The following SMAD1 variants were observed in gnomAD, a reference collection of about 807,000 sequenced individuals.
SMAD1 encodes the protein SMAD family member 1, also known as MAD, mothers against decapentaplegic homolog 1.
A neutral mutation model predicts 41.6 loss-of-function variants in SMAD1; 6 were observed. That is an observed-to-expected ratio of 0.14 (90% CI 0.08 to 0.28). SMAD1 has a LOEUF of 0.28. Ranked by LOEUF, SMAD1 falls within the 10% of genes least tolerant of loss-of-function variation. The probability of loss-of-function intolerance (pLI) is 1.00; values close to 1 mark genes in which losing one functional copy is unlikely to be tolerated. For synonymous variants in SMAD1, 206 were observed against 203.2 expected (o/e 1.01, Z -0.12); for missense variants, 379 against 582.6 (o/e 0.65, Z 3.60).
intron 2 of SMAD1, 52 bp from the exon 3 acceptor site, chr4:145,539,752 T>C (rs1053611159): frequency 6.4e-7 from 1 of 1,561,498 alleles, no homozygotes; most frequent in African/African-American, 1.4e-5. Context: ...GATGTAATTA[T>C]AGATCATAAT....
chr4:145,518,580 G>A (rs1730554673), intron 2 of SMAD1, among the ~76,000 whole-genome samples: 1 of 125,882 alleles, frequency 7.9e-6, no homozygotes, highest in African/African-American at 2.5e-5. Context: ...GTACACCTGG[G>A]TATTGTTTTT....
intron 1 of SMAD1, among the ~76,000 whole-genome samples, chr4:145,506,185 A>G (rs1339831596): frequency 6.6e-6 from 1 of 152,208 alleles, no homozygotes; most frequent in African/African-American, 2.4e-5. Flanking sequence ...AAAAAGAAAA[A>G]AAAAGTATCC....
chr4:145,528,006 G>C (rs147765706), intron 2 of SMAD1, among the ~76,000 whole-genome samples: 1 of 150,902 alleles, frequency 6.6e-6, no homozygotes, highest in Admixed American at 6.6e-5. Context: ...TCAGCCTCCC[G>C]AGTGTCTGGG....
At chr4:145,551,223 A>C (rs775319277) in intron 5 of SMAD1, among the ~76,000 whole-genome samples, 19 of 152,228 alleles carry the variant, frequency 1.2e-4, no homozygotes, top group Admixed American at 9.8e-4. Context: ...ATGTATGTTA[A>C]ATGAAGCATA....
chr4:145,547,214 T>C (rs1225421717), intron 5 of SMAD1, among the ~76,000 whole-genome samples: 2 of 152,244 alleles, frequency 1.3e-5, no homozygotes, highest in East Asian at 1.9e-4. Context: ...TTGGCTGTTA[T>C]AAAATGAATC....
chr4:145,530,204 T>C (rs1731248516), intron 2 of SMAD1, among the ~76,000 whole-genome samples: 1 of 152,176 alleles, frequency 6.6e-6, no homozygotes, highest in Admixed American at 6.5e-5. Context: ...AAAGTCTGTG[T>C]AGGGCACACT....
At chr4:145,552,785 A>G (rs1732621850) in intron 5 of SMAD1, among the ~76,000 whole-genome samples, 1 of 152,224 alleles carries the variant, frequency 6.6e-6, no homozygotes, top group Non-Finnish European at 1.5e-5. Flanking sequence ...GCTTTATAGT[A>G]AATACATAGC....
intron 1 of SMAD1, among the ~76,000 whole-genome samples, chr4:145,513,078 G>A (rs1001873447): frequency 2.0e-5 from 3 of 152,168 alleles, no homozygotes; most frequent in Non-Finnish European, 4.4e-5. Flanking sequence ...GTTCCTCAGC[G>A]CTATGAGGCT....
rs1267342227 is a variant in SMAD1, at chr4:145,514,495, T to A, written c.-119T>A. The A allele has an allele frequency of 1.0e-6, 1 of 1,000,258 alleles. No homozygotes were observed. The highest frequency in any genetic ancestry group is 1.4e-6 in the Non-Finnish European group (1 of 692,530). The allele number at this position is 1,000,258 out of a possible 1,614,324, so 62.0% of individuals were successfully genotyped here. A position where few individuals can be genotyped will look rare whatever the true frequency, so the allele number is the denominator to read the frequency against. On this transcript the variant is annotated 5_prime_UTR_variant, in exon 2 of 7. Coordinates refer to ENST00000302085, the MANE Select transcript of SMAD1 (RefSeq NM_005900.3). This position sits in a 1 kb window ranked among gnomAD's most constrained non-coding sequence, Gnocchi z 4.7. The stretch of plus-strand genomic sequence containing the variant: ...AATGGTAATTTCTACTCTTCTGGAC[T>A]TCAAACTAAGAAGTTAAAGAGACTT...
intron 2 of SMAD1, among the ~76,000 whole-genome samples, chr4:145,523,831 A>G (rs1388419564): frequency 1.3e-5 from 2 of 152,154 alleles, no homozygotes; most frequent in Non-Finnish European, 2.9e-5. Context: ...TGGCTTTTGC[A>G]GTTGCTCTTC....
At chr4:145,515,348 A>G (rs1730325447) in intron 2 of SMAD1, among the ~76,000 whole-genome samples, 1 of 152,096 alleles carries the variant, frequency 6.6e-6, no homozygotes, top group African/African-American at 2.4e-5. Flanking sequence ...TTTATGTCTC[A>G]CATGGTTCTC....
chr4:145,488,484 G>GTT (rs1276069982), intron 1 of SMAD1, among the ~76,000 whole-genome samples: 3 of 121,494 alleles, frequency 2.5e-5, no homozygotes, highest in Non-Finnish European at 3.0e-5. Context: ...TTTTGTGTGT[G>GTT]TGTGTGTGTG....
At chr4:145,485,690 G>GTCCC (rs1728447111) in intron 1 of SMAD1, among the ~76,000 whole-genome samples, 4 of 152,170 alleles carry the variant, frequency 2.6e-5, no homozygotes, top group African/African-American at 9.7e-5. Flanking sequence ...TGAAGCTGCT[G>GTCCC]GATAAAAGGA....
intron 1 of SMAD1, among the ~76,000 whole-genome samples, chr4:145,490,869 T>C (rs890143255): frequency 1.3e-5 from 2 of 152,262 alleles, no homozygotes; most frequent in Admixed American, 6.5e-5. Flanking sequence ...TATTGTATTC[T>C]GAATTTTTCT....
At chr4:145,547,542 GTAGA>G (rs1157268129) in intron 5 of SMAD1, among the ~76,000 whole-genome samples, 2 of 152,206 alleles carry the variant, frequency 1.3e-5, no homozygotes, top group Admixed American at 6.5e-5. Flanking sequence ...GCTGAGTGGA[GTAGA>G]TAGAGTAGGG....
intron 2 of SMAD1, among the ~76,000 whole-genome samples, chr4:145,530,064 A>T (rs1265559302): frequency 6.6e-6 from 1 of 152,168 alleles, no homozygotes. Context: ...TTCATTCTGG[A>T]CCTATTAGGT....
At chr4:145,481,086 G>T (rs1186617765), upstream of SMAD1, 1 of 152,174 alleles carries the variant, frequency 6.6e-6, no homozygotes. Context: ...TGTCTATGCA[G>T]ATCAGGTAGG....
intron 2 of SMAD1, among the ~76,000 whole-genome samples, chr4:145,517,388 C>G (rs1280696948): frequency 1.3e-5 from 2 of 152,004 alleles, no homozygotes; most frequent in African/African-American, 4.8e-5. Flanking sequence ...ATTGGGAAAC[C>G]TTTCTTGATA....
At chr4:145,538,102 A>G (rs1731717864) in intron 2 of SMAD1, among the ~76,000 whole-genome samples, 1 of 152,214 alleles carries the variant, frequency 6.6e-6, no homozygotes, top group Non-Finnish European at 1.5e-5. Context: ...GACCATAGCT[A>G]GATGCCTGTA....
Sources: gnomAD v4.1 joint callset for allele counts (sites outside exome capture counted in the v4.1 genomes callset) on GRCh38, gnomAD v4.1.1 for gene constraint, Gnocchi (gnomAD v3.1) non-coding constraint, MANE v1.5 for transcripts, NCBI Gene and HGNC (gene_info 2026-07-23, HGNC 2026-07-21) for gene names.